Variants in BMP5 observed in about 807,000 individuals in gnomAD.
BMP5 encodes bone morphogenetic protein 5.
In BMP5, 23 loss-of-function variants were observed where a neutral mutation model predicts 46.6. The ratio of observed to expected loss-of-function variants is 0.49; its 90% CI spans 0.35 to 0.70. BMP5 has a LOEUF of 0.70. Ranked by LOEUF, BMP5 falls within the 30% of genes least tolerant of loss-of-function variation. The probability of loss-of-function intolerance (pLI) is 0.00; values close to 1 mark genes in which losing one functional copy is unlikely to be tolerated. For synonymous variants in BMP5, 204 were observed against 191.9 expected, an observed-to-expected ratio of 1.06 and a Z score of -0.52; for missense variants, 545 against 565.6, an observed-to-expected ratio of 0.96 and a Z score of 0.37.
intron 1 of BMP5, among the ~76,000 whole-genome samples, chr6:55,872,472 A>T (rs926401148): frequency 6.6e-6 from 1 of 151,678 alleles, no homozygotes; most frequent in Non-Finnish European, 1.5e-5. Flanking sequence ...CTATGTTATT[A>T]TAATCTGAAC....
chr6:55,853,844 T>C (rs1777315973), intron 1 of BMP5, among the ~76,000 whole-genome samples: 1 of 152,204 alleles, frequency 6.6e-6, no homozygotes, highest in African/African-American at 2.4e-5. Context: ...TGTGCTATCA[T>C]TGTTTATATC....
At chr6:55,819,581 A>T (rs187513779) in intron 2 of BMP5, 74 bp downstream of exon 2, 4 of 1,196,510 alleles carry the variant, frequency 3.3e-6, no homozygotes, top group Non-Finnish European at 4.9e-6. Flanking sequence ...GATAGATCAC[A>T]TGAGTTATCA....
At chr6:55,872,565 T>C (rs1050815283) in intron 1 of BMP5, among the ~76,000 whole-genome samples, 1 of 151,752 alleles carries the variant, frequency 6.6e-6, no homozygotes, top group Non-Finnish European at 1.5e-5. Flanking sequence ...AAACTATTAT[T>C]GGTTTTGACT....
intron 2 of BMP5, among the ~76,000 whole-genome samples, chr6:55,815,736 G>A (rs1212609607): frequency 1.3e-5 from 2 of 152,032 alleles, no homozygotes; most frequent in Non-Finnish European, 2.9e-5. Flanking sequence ...CCAAAACTAT[G>A]AAGTCACGTG....
At chr6:55,781,120 G>A (rs1399761012) in intron 3 of BMP5, among the ~76,000 whole-genome samples, 1 of 152,018 alleles carries the variant, frequency 6.6e-6, no homozygotes, top group Non-Finnish European at 1.5e-5. Context: ...CCTTTCCCCT[G>A]AGGTCCTATG....
At chr6:55,797,045 C>T (rs773102766) in intron 2 of BMP5, among the ~76,000 whole-genome samples, 19 of 152,236 alleles carry the variant, frequency 1.2e-4, no homozygotes, top group Admixed American at 2.6e-4. Context: ...CTTTCATATA[C>T]GAAGCTCTTC....
chr6:55,794,418 A>C lies in BMP5; in HGVS notation c.693T>G (p.Asp231Glu). ...CCTTTCTTGTGTCTAACAAGAACAG[A>C]TCTGCATCCCTAAAAAGAAAAGGAA... is the stretch of plus-strand genomic sequence containing the variant. ...IIKEYTNRDA[D>E]LFLLDTRKAQ... The change falls in exon 3 of 7, where the codon GAT becomes GAG. Residue 231 changes from aspartate (D) to glutamate (E), a missense_variant. Asp to Glu is a conservative substitution (Grantham distance 45). Transcript: ENST00000370830. 6.2e-7 allele frequency: 1 copy of C among 1,613,986 alleles called. No individual in the cohort carries two copies. The highest frequency in any genetic ancestry group is 8.5e-7 in the Non-Finnish European group (1 of 1,179,900).
At position 55,764,526 on chromosome 6, in the gene BMP5, G is replaced by T. The variant is rs982257788; in HGVS notation, c.1028-3993C>A. On this transcript the variant is annotated intron_variant, in intron 4 of 6. Transcript: ENST00000370830. ...AGGCGGAGCTTGCAGTGAGCGAGAT[G>T]GTGCCACTTCACTTCAGCCTGGGCG... Among the ~76,000 whole-genome samples the T allele has an allele frequency of 4.0e-5, 6 of 150,062 alleles. No homozygotes were observed. In the South Asian group the frequency reaches 1.3e-3, roughly 32 times the overall value.
intron 1 of BMP5, among the ~76,000 whole-genome samples, chr6:55,855,673 A>T (rs1777376558): frequency 6.6e-6 from 1 of 152,078 alleles, no homozygotes; most frequent in Admixed American, 6.6e-5. Flanking sequence ...GTTTAATCAG[A>T]TGCTTAATTT....
intron 6 of BMP5, among the ~76,000 whole-genome samples, chr6:55,757,195 T>C (rs1774629369): frequency 6.6e-6 from 1 of 151,904 alleles, no homozygotes; most frequent in Non-Finnish European, 1.5e-5. Flanking sequence ...AGGGGGAGTA[T>C]TTGACAAAGG....
chr6:55,759,670 C>T (rs1038675789), intron 5 of BMP5, among the ~76,000 whole-genome samples: 16 of 151,686 alleles, frequency 1.1e-4, no homozygotes, highest in African/African-American at 3.1e-4. Context: ...TTTATGGTCT[C>T]TTTAGAAAAA....
chr6:55,762,278 T>G (rs1582043739), intron 4 of BMP5, among the ~76,000 whole-genome samples: 1 of 152,258 alleles, frequency 6.6e-6, no homozygotes, highest in Admixed American at 6.5e-5. Context: ...ACAGTTTTTG[T>G]TAAAGTGTCA....
chr6:55,806,571 T>G (rs1162902242), intron 2 of BMP5, among the ~76,000 whole-genome samples: 1 of 152,212 alleles, frequency 6.6e-6, no homozygotes, highest in Non-Finnish European at 1.5e-5. Context: ...TGATTCCATA[T>G]GAAATTTAAA....
intron 3 of BMP5, among the ~76,000 whole-genome samples, chr6:55,777,372 C>A (rs878962000): frequency 2.0e-5 from 3 of 151,742 alleles, no homozygotes; most frequent in African/African-American, 7.3e-5. Context: ...ACTGAAGAAG[C>A]CTACCTAAAG....
intron 1 of BMP5, among the ~76,000 whole-genome samples, chr6:55,835,720 G>T (rs1776778090): frequency 6.6e-6 from 1 of 152,102 alleles, no homozygotes; most frequent in African/African-American, 2.4e-5. Context: ...TTTCTGAAAT[G>T]CCAACTATAG....
chr6:55,811,674 CCTCTCTCTTTCTCCCTCT>C (rs1776137815), intron 2 of BMP5, among the ~76,000 whole-genome samples: 1 of 150,936 alleles, frequency 6.6e-6, no homozygotes, highest in Non-Finnish European at 1.5e-5. Flanking sequence ...TCCCTCCTTC[CCTCTCTCTTTCTCCCTCT>C]CTCTCTCTTT....
At chr6:55,779,277 C>A (rs763973943) in intron 3 of BMP5, among the ~76,000 whole-genome samples, 30 of 151,906 alleles carry the variant, frequency 2.0e-4, no homozygotes, top group Non-Finnish European at 4.1e-4. Flanking sequence ...GTTTTTTTCT[C>A]CTCTAAACCC....
chr6:55,772,994 G>T, intron 4 of BMP5: 1 of 856,048 alleles, frequency 1.2e-6, no homozygotes, highest in Non-Finnish European at 1.4e-6. Flanking sequence ...ATAAATAGCT[G>T]CTGTATGACC....
chr6:55,830,487 T>C (rs1776638942), intron 1 of BMP5, among the ~76,000 whole-genome samples: 1 of 152,096 alleles, frequency 6.6e-6, no homozygotes, highest in African/African-American at 2.4e-5. Flanking sequence ...GGTTTTGAGT[T>C]CAAATATACA....
Sources: gnomAD v4.1 joint callset for allele counts (sites outside exome capture counted in the v4.1 genomes callset) on GRCh38, gnomAD v4.1.1 for gene constraint, MANE v1.5 for transcripts, NCBI Gene and HGNC (gene_info 2026-07-23, HGNC 2026-07-21) for gene names.